The following SDHC variants were observed in gnomAD, a reference collection of about 807,000 sequenced individuals.
SDHC encodes succinate dehydrogenase complex subunit C.
A neutral mutation model predicts 22.6 loss-of-function variants in SDHC; 11 were observed. That is an observed-to-expected ratio of 0.49 (90% CI 0.31 to 0.81). SDHC has a LOEUF of 0.81. Ranked by LOEUF, SDHC falls within the 30% of genes least tolerant of loss-of-function variation. SDHC has a pLI of 0.05. For synonymous variants in SDHC, 80 were observed against 77.8 expected (o/e 1.03, Z -0.15); for missense variants, 160 against 212.0 (o/e 0.75, Z 1.52).
At chr1:161,360,586 G>A (rs575012551) in intron 5 of SDHC, among the ~76,000 whole-genome samples, 1 of 149,302 alleles carries the variant, frequency 6.7e-6, no homozygotes, top group East Asian at 2.0e-4. Flanking sequence ...GTGGGGGTGG[G>A]TGGTGGGGTA....
At chr1:161,360,875 G>A (rs937972935) in intron 5 of SDHC, among the ~76,000 whole-genome samples, 2 of 152,302 alleles carry the variant, frequency 1.3e-5, no homozygotes, top group East Asian at 1.9e-4. Flanking sequence ...CACTTTGGGA[G>A]GCTGAGGAGG....
At chr1:161,316,283 TCAGACTATCA>T (rs1171076183) in intron 1 of SDHC, among the ~76,000 whole-genome samples, 1 of 152,214 alleles carries the variant, frequency 6.6e-6, no homozygotes, top group Non-Finnish European at 1.5e-5. Context: ...AGGCCATATT[TCAGACTATCA>T]CATGGGGAGA....
intron 2 of SDHC, among the ~76,000 whole-genome samples, chr1:161,324,830 A>C (rs1670990974): frequency 6.6e-6 from 1 of 152,198 alleles, no homozygotes; most frequent in Admixed American, 6.5e-5. Flanking sequence ...AATTCAGGAA[A>C]TTTAACATTG....
intron 3 of SDHC, among the ~76,000 whole-genome samples, chr1:161,340,071 C>T (rs943403586): frequency 2.0e-5 from 3 of 152,064 alleles, no homozygotes; most frequent in Non-Finnish European, 2.9e-5. Context: ...CCGAGGTGGG[C>T]GGATCATGAG....
chr1:161,334,329 C>CTT (rs34404220), intron 3 of SDHC, among the ~76,000 whole-genome samples: 1 of 152,040 alleles, frequency 6.6e-6, no homozygotes, highest in Non-Finnish European at 1.5e-5. Flanking sequence ...TTCTGCTTTT[C>CTT]TTTTTTCTCA....
chr1:161,318,947 G>T (rs540942766), intron 1 of SDHC, among the ~76,000 whole-genome samples: 17 of 152,348 alleles, frequency 1.1e-4, no homozygotes, highest in African/African-American at 4.1e-4. Context: ...GGGAGGCCGA[G>T]GCAGGAGAAT....
chr1:161,318,246 A>G (rs1411561780), intron 1 of SDHC, among the ~76,000 whole-genome samples: 50 of 152,130 alleles, frequency 3.3e-4, no homozygotes, highest in Admixed American at 3.3e-3. Flanking sequence ...GACATTTTGT[A>G]TCCTTTGACC....
rs113137363 is a variant in SDHC at position 161,326,205 on chromosome 1, TAAAA to T, written c.78-2181_78-2178del. ...CACAGAGCGAGATCCCATCTCAAAT[TAAAA>T]AAAAAAAAAGCAGAGTTATCGTCTG... On this transcript the variant is annotated intron_variant, in intron 2 of 5. Transcript: ENST00000367975. Among the ~76,000 whole-genome samples, 3 of 138,052 alleles carry T rather than the reference TAAAA, an allele frequency of 2.2e-5. No individual in the cohort carries two copies. In the Admixed American group the frequency reaches 2.2e-4, roughly 10 times the overall value. 90.6% of individuals were successfully genotyped at this position (138,052 alleles called of 152,430 possible). A position where few individuals can be genotyped will look rare whatever the true frequency, so the allele number is the denominator to read the frequency against.
At chr1:161,339,620 T>G in intron 3 of SDHC, 1 of 1,081,324 alleles carries the variant, frequency 9.2e-7, no homozygotes. Flanking sequence ...TCAGTTTTCT[T>G]TATTCTTTAA....
intron 3 of SDHC, among the ~76,000 whole-genome samples, chr1:161,330,996 CAAAAAAAAAA>C (rs61295520): frequency 2.0e-5 from 2 of 102,254 alleles, no homozygotes; most frequent in East Asian, 2.8e-4. Flanking sequence ...GCTCTGTTTC[CAAAAAAAAAA>C]AAAAAAAAAG....
At chr1:161,322,849 A>G (rs1670887614) in intron 1 of SDHC, among the ~76,000 whole-genome samples, 1 of 152,204 alleles carries the variant, frequency 6.6e-6, no homozygotes, top group African/African-American at 2.4e-5. Context: ...GGCGTGAGCC[A>G]CTGCACCTGG....
chr1:161,353,778 T>A (rs765477637), intron 4 of SDHC, among the ~76,000 whole-genome samples: 1 of 152,018 alleles, frequency 6.6e-6, no homozygotes, highest in Non-Finnish European at 1.5e-5. Context: ...AGCCCAGGAG[T>A]TAGAGACCAG....
chr1:161,341,726 C>A (rs554592552), intron 4 of SDHC, among the ~76,000 whole-genome samples: 4 of 152,244 alleles, frequency 2.6e-5, no homozygotes, highest in South Asian at 2.1e-4. Flanking sequence ...CCTACCCCCA[C>A]CAAAAACAGA....
intron 1 of SDHC, among the ~76,000 whole-genome samples, chr1:161,320,154 A>G (rs1464180975): frequency 6.6e-6 from 1 of 152,188 alleles, no homozygotes; most frequent in Non-Finnish European, 1.5e-5. Flanking sequence ...AAGAGGATAT[A>G]GACTATAGCA....
intron 1 of SDHC, among the ~76,000 whole-genome samples, chr1:161,323,228 GACCTT>G (rs1670905234): frequency 6.6e-6 from 1 of 151,724 alleles, no homozygotes; most frequent in Non-Finnish European, 1.5e-5. Context: ...TCGATCTCCT[GACCTT>G]GTGATCCGTC....
chr1:161,329,619 A>G (rs4272645), intron 3 of SDHC, among the ~76,000 whole-genome samples: 3,631 of 152,362 alleles, frequency 0.024, 59 homozygotes, highest in Non-Finnish European at 0.037. Flanking sequence ...GGCATGAGCC[A>G]TCACGCCCAG....
chr1:161,344,301 T>A (rs1464673147), intron 4 of SDHC, among the ~76,000 whole-genome samples: 1 of 150,788 alleles, frequency 6.6e-6, no homozygotes, highest in Non-Finnish European at 1.5e-5. Context: ...AAAAATAAAA[T>A]AAAATAAAAA....
chr1:161,355,421 G>A (rs1048930622), intron 4 of SDHC, among the ~76,000 whole-genome samples: 1 of 152,048 alleles, frequency 6.6e-6, no homozygotes, highest in Non-Finnish European at 1.5e-5. Flanking sequence ...TTTCTTGATG[G>A]TATTATTTGC....
chr1:161,330,065 G>T (rs1202602899), intron 3 of SDHC, among the ~76,000 whole-genome samples: 2 of 152,100 alleles, frequency 1.3e-5, no homozygotes, highest in Non-Finnish European at 2.9e-5. Flanking sequence ...AGGTTCTGGG[G>T]ATTAATACAT....
Sources: gnomAD v4.1 joint callset for allele counts (sites outside exome capture counted in the v4.1 genomes callset) on GRCh38, gnomAD v4.1.1 for gene constraint, MANE v1.5 for transcripts, NCBI Gene and HGNC (gene_info 2026-07-23, HGNC 2026-07-21) for gene names.